REC114: variants seen among roughly 807,000 people sequenced by gnomAD.
The protein encoded by REC114 is meiotic recombination protein REC114.
REC114 carries 27 observed loss-of-function variants against 31.3 expected under a neutral mutation model. The ratio of observed to expected loss-of-function variants is 0.86; its 90% CI spans 0.64 to 1.19. The LOEUF is 1.19. Ranked by LOEUF, REC114 falls within the 50% of genes most tolerant of loss-of-function variation. The pLI, the probability that REC114 is intolerant of heterozygous loss-of-function variation, is 0.00. For synonymous variants in REC114, 134 were observed against 127.7 expected, an observed-to-expected ratio of 1.05 and a Z score of -0.33; for missense variants, 344 against 326.9, an observed-to-expected ratio of 1.05 and a Z score of -0.40.
chr15:73,529,219 G>A (rs1894044152), intron 2 of REC114, among the ~76,000 whole-genome samples: 1 of 151,666 alleles, frequency 6.6e-6, no homozygotes, highest in African/African-American at 2.4e-5. Context: ...CTCACTGCAA[G>A]CTCTGCCTGC....
intron 2 of REC114, among the ~76,000 whole-genome samples, chr15:73,486,476 G>C (rs1893366138): frequency 6.6e-6 from 1 of 152,158 alleles, no homozygotes; most frequent in African/African-American, 2.4e-5. Context: ...AACGCCTTAA[G>C]CTATCTTACC....
Position 73,508,944 on chromosome 15 carries a change from A to C in REC114, c.250-31541A>C, listed in dbSNP as rs201150012. On this transcript the variant is annotated intron_variant, in intron 2 of 5. Transcript: ENST00000331090. ...CTTTATAGCAGCATGATTTATAGTCATTTGGGTATATACCCAGTAATGGGA... is the reference window on the plus strand; with the variant it reads ...CTTTATAGCAGCATGATTTATAGTCCTTTGGGTATATACCCAGTAATGGGA... 4.7e-4 allele frequency among the ~76,000 whole-genome samples: 70 copies of C among 150,088 alleles called. No individual in the cohort carries two copies. The East Asian group carries it at 0.011, about 24-fold the overall frequency.
At chr15:73,491,490 G>A (rs1893446234) in intron 2 of REC114, among the ~76,000 whole-genome samples, 1 of 152,146 alleles carries the variant, frequency 6.6e-6, no homozygotes, top group Admixed American at 6.5e-5. Context: ...AAGTCTTTGT[G>A]TATTATCTTA....
intron 1 of REC114, among the ~76,000 whole-genome samples, chr15:73,447,570 C>T (rs1478447839): frequency 6.6e-6 from 1 of 151,764 alleles, no homozygotes; most frequent in Non-Finnish European, 1.5e-5. Flanking sequence ...ATCCCTTGAG[C>T]CTAGGAGACA....
chr15:73,531,095 G>T (rs1476048313), intron 2 of REC114, among the ~76,000 whole-genome samples: 2 of 152,166 alleles, frequency 1.3e-5, no homozygotes, highest in African/African-American at 2.4e-5. Flanking sequence ...ATAATGGGAA[G>T]ATTTTAAAGC....
At position 73,540,516 on chromosome 15, in the gene REC114, G is replaced by T. The variant is rs1367996377; in HGVS notation, c.281G>T (p.Trp94Leu). 6.2e-7 allele frequency: 1 copy of T among 1,613,924 alleles called. No individual in the cohort carries two copies. Among genetic ancestry groups the T allele is most frequent in the South Asian group, 1.1e-5 (1 of 91,076 alleles). Residue 94 changes from tryptophan (W) to leucine (L), a missense_variant, in exon 3 of 6, where the codon TGG becomes TTG. By Grantham distance (61) the Trp-to-Leu change is moderately conservative. Transcript: ENST00000331090. Reference protein sequence around the residue: ...EGFSLIGSKDWLKIVRRVDCL... With the variant: ...EGFSLIGSKDLLKIVRRVDCL... ...TTTTCACTCATTGGTAGCAAGGACT[G>T]GTTGAAGATTGTAAGACGCGTGGAT...
In REC114 at chr15:73,443,244, A is replaced by G; in HGVS notation, c.59A>G (p.Glu20Gly). 1 of 1,574,130 alleles carries G rather than the reference A, an allele frequency of 6.4e-7. No individual in the cohort carries two copies. The highest frequency in any genetic ancestry group is 1.3e-5 in the African/African-American group (1 of 74,168). ...SLGLTGGEAA[E>G]WPLQRYARCI... ...GGGCTTACCGGAGGAGAAGCGGCAG[A>G]GTGGCCTCTGCAGCGGTACGCCCGC... Residue 20 changes from glutamate to glycine, a missense_variant, in exon 1 of 6, where the codon GAG (glutamate) becomes GGG (glycine). Physicochemically the swap from Glu to Gly is moderately conservative, Grantham distance 98. Transcript: ENST00000331090.
At chr15:73,480,106 C>T (rs763806019) in intron 2 of REC114, among the ~76,000 whole-genome samples, 2 of 152,102 alleles carry the variant, frequency 1.3e-5, no homozygotes, top group Non-Finnish European at 2.9e-5. Flanking sequence ...CTCTTGTCTT[C>T]TGTCTCTTTA....
At chr15:73,450,707 T>C (rs1892833348) in intron 1 of REC114, among the ~76,000 whole-genome samples, 1 of 152,202 alleles carries the variant, frequency 6.6e-6, no homozygotes, top group African/African-American at 2.4e-5. Flanking sequence ...ACATCACACT[T>C]ATTCTAAAAT....
At chr15:73,536,266 T>G (rs578191534) in intron 2 of REC114, among the ~76,000 whole-genome samples, 1 of 152,202 alleles carries the variant, frequency 6.6e-6, no homozygotes, top group African/African-American at 2.4e-5. Context: ...CTCAGCACTT[T>G]CCTGGGTTAT....
At position 73,556,291 on chromosome 15, in the gene REC114, T is replaced by C. The variant is rs1595884697; in HGVS notation, c.547-11T>C. On this transcript the variant is annotated splice_polypyrimidine_tract_variant and intron_variant, in intron 4 of 5. Coordinates refer to ENST00000331090, the MANE Select transcript of REC114 (RefSeq NM_001042367.2). Reference sequence around the variant, plus strand: ...CAGCTAGTCTCCTTATTGCATGTTGTTTTATTCCAGTCCCACCAGCACTCA... The same window carrying C: ...CAGCTAGTCTCCTTATTGCATGTTGCTTTATTCCAGTCCCACCAGCACTCA... 3.1e-6 allele frequency: 5 copies of C among 1,611,254 alleles called. No individual in the cohort carries two copies. The East Asian group carries it at 1.1e-4, about 36-fold the overall frequency.
At chr15:73,467,911 C>T (rs1172011740) in intron 1 of REC114, among the ~76,000 whole-genome samples, 1 of 150,830 alleles carries the variant, frequency 6.6e-6, no homozygotes, top group Non-Finnish European at 1.5e-5. Flanking sequence ...TTTTTCCTGG[C>T]CTTCTCTAAC....
chr15:73,500,458 C>T (rs1173947792), intron 2 of REC114, among the ~76,000 whole-genome samples: 1 of 151,256 alleles, frequency 6.6e-6, no homozygotes, highest in Non-Finnish European at 1.5e-5. Context: ...AAAGGCAAAA[C>T]TAGTCTATGG....
At chr15:73,551,547 A>T (rs1452187830) in intron 4 of REC114, among the ~76,000 whole-genome samples, 1 of 152,182 alleles carries the variant, frequency 6.6e-6, no homozygotes, top group East Asian at 1.9e-4. Context: ...TCTCATACAG[A>T]TCAGGCAGTG....
intron 1 of REC114, among the ~76,000 whole-genome samples, chr15:73,467,076 T>C (rs1187229825): frequency 6.6e-6 from 1 of 152,198 alleles, no homozygotes; most frequent in East Asian, 1.9e-4. Context: ...TGGATGGGGG[T>C]TAGCTGTAAC....
At chr15:73,508,420 TTTC>T (rs1225970779) in intron 2 of REC114, among the ~76,000 whole-genome samples, 1 of 150,622 alleles carries the variant, frequency 6.6e-6, no homozygotes, top group East Asian at 1.9e-4. Flanking sequence ...CGCAGCACAG[TTTC>T]TTTTTTTTTT....
intron 2 of REC114, among the ~76,000 whole-genome samples, chr15:73,509,097 CCAG>C (rs1893725547): frequency 1.3e-5 from 2 of 152,254 alleles, no homozygotes; most frequent in East Asian, 3.9e-4. Context: ...CACATCCTCT[CCAG>C]CACCTGTTGT....
At position 73,502,968 on chromosome 15, in the gene REC114, A is replaced by G. The variant is rs181110883; in HGVS notation, c.249+29047A>G. On this transcript the variant is annotated intron_variant, in intron 2 of 5. Transcript: ENST00000331090. The stretch of plus-strand genomic sequence containing the variant: ...AAATACAGATTAAAACCCCAATGAG[A>G]TACCACTATATATCTATTAGAATGG... Among the ~76,000 whole-genome samples the G allele has an allele frequency of 2.3e-4, 35 of 152,344 alleles. No homozygotes were observed. The East Asian group carries it at 6.2e-3, about 27-fold the overall frequency.
chr15:73,493,686 A>C (rs530665027), intron 2 of REC114, among the ~76,000 whole-genome samples: 54 of 152,282 alleles, frequency 3.5e-4, no homozygotes, highest in Non-Finnish European at 7.5e-4. Context: ...ATTGATCTAG[A>C]AGCCTGAGAG....
Sources: allele counts gnomAD v4.1 joint callset (sites outside exome capture counted in the v4.1 genomes callset), GRCh38; gene constraint gnomAD v4.1.1; transcripts MANE v1.5; gene names NCBI Gene and HGNC (gene_info 2026-07-23, HGNC 2026-07-21).